FAM169A: variants seen among roughly 807,000 people sequenced by gnomAD.
FAM169A encodes family with sequence similarity 169 member A.
In FAM169A, 24 loss-of-function variants were observed where a neutral mutation model predicts 75.7. The ratio of observed to expected loss-of-function variants is 0.32; its 90% CI spans 0.23 to 0.45. The LOEUF is 0.45. Among genes scored for constraint, FAM169A ranks in the 20% least tolerant of loss-of-function variants. FAM169A has a pLI of 1.00. For synonymous variants in FAM169A, 271 were observed against 271.0 expected, an observed-to-expected ratio of 1.00 and a Z score of 0.00; for missense variants, 673 against 784.0, an observed-to-expected ratio of 0.86 and a Z score of 1.69.
chr5:74,826,055 C>T (rs1402490799), intron 5 of FAM169A, among the ~76,000 whole-genome samples: 2 of 152,098 alleles, frequency 1.3e-5, no homozygotes, highest in African/African-American at 2.4e-5. Context: ...ATTTTATCAT[C>T]TCTTCCTATT....
At chr5:74,790,276 C>T (rs973641923) in intron 11 of FAM169A, among the ~76,000 whole-genome samples, 4 of 152,220 alleles carry the variant, frequency 2.6e-5, no homozygotes, top group African/African-American at 9.7e-5. Flanking sequence ...TGGACAGCTA[C>T]AGCCCTATAG....
Position 74,796,146 on chromosome 5 carries a change from ATTC to A in FAM169A, c.1141_1143del (p.Glu381del), listed in dbSNP as rs1746262867. The A allele has an allele frequency of 6.2e-7, 1 of 1,614,072 alleles. No homozygotes were observed. Among genetic ancestry groups the A allele is most frequent in the Admixed American group, 1.7e-5 (1 of 60,022 alleles). On this transcript the variant is annotated inframe_deletion, in exon 11 of 13. Transcript: ENST00000687041. ...CTCTGTTCAGGTTCTTCTTCCAGGA[ATTC>A]TTCTGAGCTCTCTGATGGGCGTGCA...
intron 7 of FAM169A, 27 bp downstream of exon 7, chr5:74,805,129 T>G: frequency 6.2e-7 from 1 of 1,606,418 alleles, no homozygotes; most frequent in Non-Finnish European, 8.5e-7. Flanking sequence ...TAAACTGAAC[T>G]TATGTTCAAA....
intron 10 of FAM169A, among the ~76,000 whole-genome samples, chr5:74,797,593 C>A (rs1406981116): frequency 6.6e-6 from 1 of 152,268 alleles, no homozygotes; most frequent in East Asian, 1.9e-4. Context: ...ACAATAGCCA[C>A]GAGACACACT....
chr5:74,855,251 G>A (rs1320745678), intron 1 of FAM169A, among the ~76,000 whole-genome samples: 4 of 152,068 alleles, frequency 2.6e-5, no homozygotes, highest in South Asian at 2.1e-4. Flanking sequence ...GCTGGAATGC[G>A]GTGGCACAAT....
chr5:74,818,578 C>A (rs981680680), intron 5 of FAM169A, among the ~76,000 whole-genome samples: 1 of 150,208 alleles, frequency 6.7e-6, no homozygotes, highest in Non-Finnish European at 1.5e-5. Context: ...CCGCCCCCCC[C>A]ACCCAACTGC....
At chr5:74,849,515 T>C (rs751727327) in intron 1 of FAM169A, among the ~76,000 whole-genome samples, 10 of 152,140 alleles carry the variant, frequency 6.6e-5, no homozygotes, top group Non-Finnish European at 1.5e-4. Context: ...AAAATAATTA[T>C]CTCAACCAAT....
intron 11 of FAM169A, among the ~76,000 whole-genome samples, chr5:74,785,560 A>C (rs1366439751): frequency 6.6e-6 from 1 of 152,164 alleles, no homozygotes; most frequent in Non-Finnish European, 1.5e-5. Context: ...TCCAGAGTTC[A>C]AGACCGGACT....
chr5:74,805,930 G>A (rs1302981295), intron 6 of FAM169A, among the ~76,000 whole-genome samples: 2 of 73,606 alleles, frequency 2.7e-5, no homozygotes, highest in Non-Finnish European at 5.5e-5. Context: ...CAAAGGATAA[G>A]AAAATATTCA....
chr5:74,787,026 C>G (rs894334665), intron 11 of FAM169A, among the ~76,000 whole-genome samples: 41 of 152,294 alleles, frequency 2.7e-4, no homozygotes, highest in African/African-American at 9.6e-4. Context: ...CTGTTTGCTT[C>G]TAGACCTATA....
At chr5:74,814,229 T>C (rs1326362544) in intron 5 of FAM169A, among the ~76,000 whole-genome samples, 1 of 152,166 alleles carries the variant, frequency 6.6e-6, no homozygotes, top group Non-Finnish European at 1.5e-5. Flanking sequence ...GTATTTTATG[T>C]TTGCTAGTAG....
chr5:74,828,076 G>C (rs1188241116), intron 5 of FAM169A, among the ~76,000 whole-genome samples: 1 of 152,072 alleles, frequency 6.6e-6, no homozygotes, highest in African/African-American at 2.4e-5. Context: ...ATAGATATAA[G>C]TGCTTAAGAA....
intron 11 of FAM169A, among the ~76,000 whole-genome samples, chr5:74,792,660 C>G (rs1271777984): frequency 2.6e-5 from 4 of 152,010 alleles, no homozygotes; most frequent in East Asian, 1.9e-4. Flanking sequence ...TCTAGAGAAC[C>G]CTGACTAATA....
intron 1 of FAM169A, among the ~76,000 whole-genome samples, chr5:74,865,052 G>A (rs1750243107): frequency 6.6e-6 from 1 of 152,192 alleles, no homozygotes; most frequent in Non-Finnish European, 1.5e-5. Flanking sequence ...TCCCTCCAGG[G>A]CCCAAATGTG....
chr5:74,856,711 TTAAA>T (rs1376240855), intron 1 of FAM169A, among the ~76,000 whole-genome samples: 1 of 151,386 alleles, frequency 6.6e-6, no homozygotes, highest in Non-Finnish European at 1.5e-5. Flanking sequence ...TTTTTTAAGA[TTAAA>T]TAAATTTTCC....
rs1444302422 is a variant in FAM169A at position 74,780,482 on chromosome 5, T to G, written c.*978A>C. 1 of 152,150 alleles carries G rather than the reference T, an allele frequency of 6.6e-6. No homozygotes were observed. The highest frequency in any genetic ancestry group is 2.4e-5 in the African/African-American group (1 of 41,430). The allele number at this position is 152,150 out of a possible 1,614,324, so 9.4% of individuals were successfully genotyped here. On this transcript the variant is annotated 3_prime_UTR_variant, in exon 13 of 13. Transcript: ENST00000687041. The stretch of plus-strand genomic sequence containing the variant: ...GGGGAATATAAATAAGACTGTAGAA[T>G]TAGGGAGGTGGCAAGATTTAAGGAG...
intron 11 of FAM169A, among the ~76,000 whole-genome samples, chr5:74,783,678 G>C (rs976578008): frequency 1.3e-5 from 2 of 152,134 alleles, no homozygotes; most frequent in African/African-American, 4.8e-5. Context: ...GTCAACACCA[G>C]GGTCATTTCT....
At chr5:74,789,015 C>T (rs1745837564) in intron 11 of FAM169A, among the ~76,000 whole-genome samples, 1 of 152,192 alleles carries the variant, frequency 6.6e-6, no homozygotes, top group African/African-American at 2.4e-5. Context: ...CCTTTTTCTC[C>T]ATTCCTGTCC....
rs1745215862 is a variant in FAM169A at position 74,778,154 on chromosome 5, C to A, written c.*3306G>T. On this transcript the variant is annotated 3_prime_UTR_variant, in exon 13 of 13. Transcript: ENST00000687041. ...ACCAAAAATACTATCTTGTAAGGTA[C>A]AAAGAAAGCTTGATATTAAGTATGA... The A allele has an allele frequency of 6.6e-6, 1 of 151,716 alleles. No homozygotes were observed. Among genetic ancestry groups the A allele is most frequent in the Non-Finnish European group, 1.5e-5 (1 of 67,816 alleles). 9.4% of individuals were successfully genotyped at this position (151,716 alleles called of 1,614,324 possible).
Sources: gnomAD v4.1 joint callset for allele counts (sites outside exome capture counted in the v4.1 genomes callset) on GRCh38, gnomAD v4.1.1 for gene constraint, MANE v1.5 for transcripts, NCBI Gene and HGNC (gene_info 2026-07-23, HGNC 2026-07-21) for gene names.